The following PLCG2 variants were observed in gnomAD, a reference collection of about 807,000 sequenced individuals.
PLCG2 encodes the protein 1-phosphatidylinositol 4,5-bisphosphate phosphodiesterase gamma-2.
Under a neutral mutation model 175.6 loss-of-function variants are expected in PLCG2, and 69 were observed. The observed-to-expected ratio is 0.39, with a 90% CI of 0.32 to 0.48. PLCG2 has a LOEUF of 0.48. Among genes scored for constraint, PLCG2 ranks in the 20% least tolerant of loss-of-function variants. PLCG2 has a pLI of 0.91. For missense variants in PLCG2, 1,798 were observed against 1,650.9 expected (o/e 1.09, Z -1.54); for synonymous variants, 827 against 624.0 (o/e 1.33, Z -4.85).
At chr16:81,883,450 C>T (rs979512737) in intron 9 of PLCG2, 109 bp downstream of exon 9, 2 of 819,182 alleles carry the variant, frequency 2.4e-6, no homozygotes, top group Admixed American at 2.0e-5. Flanking sequence ...GCTCACCTGG[C>T]CACCTGTGCT....
At chr16:81,842,317 C>T (rs1210016134) in intron 2 of PLCG2, among the ~76,000 whole-genome samples, 3 of 152,296 alleles carry the variant, frequency 2.0e-5, no homozygotes, top group Middle Eastern at 3.4e-3. Flanking sequence ...CTCTGTTGCA[C>T]TCCTGATGTG....
chr16:81,957,987 T>G lies in PLCG2; in HGVS notation c.3787T>G (p.Phe1263Val). Reference protein sequence around the residue: ...LREKRVSNSKFYS With the variant: ...LREKRVSNSKVYS ...AGAGAAGAGAGTCAGCAACAGCAAG[T>G]TTTACTCATAGAAGCTGGGGTATGT... The change falls in exon 33 of 33, where the codon TTT (phenylalanine) becomes GTT (valine). Residue 1263 changes from phenylalanine to valine, a missense_variant. Transcript: ENST00000564138. 2 of 1,612,682 alleles carry G rather than the reference T, an allele frequency of 1.2e-6. No homozygotes were observed. The highest frequency in any genetic ancestry group is 1.7e-6 in the Non-Finnish European group (2 of 1,178,696).
chr16:81,877,975 T>C (rs1907890937), intron 7 of PLCG2, among the ~76,000 whole-genome samples: 1 of 31,402 alleles, frequency 3.2e-5, no homozygotes, highest in African/African-American at 1.6e-4. Flanking sequence ...TTTTTTTAAT[T>C]TTTTTTTTTT....
rs1456612459 is a variant in PLCG2 at position 81,876,034 on chromosome 16, TTTTG to T, written c.649-4872_649-4869del. Reference sequence around the variant, plus strand: ...TTTCTTTCTTTTTTTTTTTTTTTTTTTTTGTTTTTGAGACAGGGTCTCACTTTGT... The same window carrying T: ...TTTCTTTCTTTTTTTTTTTTTTTTTTTTTTTGAGACAGGGTCTCACTTTGT... On this transcript the variant is annotated intron_variant, in intron 7 of 32. Coordinates refer to ENST00000564138, the MANE Select transcript of PLCG2 (RefSeq NM_002661.5). Among the ~76,000 whole-genome samples, 553 of 143,644 alleles carry T rather than the reference TTTTG, an allele frequency of 3.8e-3. 5 individuals carry two copies. The highest frequency in any genetic ancestry group is 0.014 in the African/African-American group (530 of 38,922). 94.2% of individuals were successfully genotyped at this position (143,644 alleles called of 152,430 possible).
At chr16:81,760,657 T>C (rs1365574374) in intron 2 of PLCG2, among the ~76,000 whole-genome samples, 1 of 150,754 alleles carries the variant, frequency 6.6e-6, no homozygotes, top group Non-Finnish European at 1.5e-5. Context: ...ATGCCTATAA[T>C]CCCAACCCTT....
At position 81,918,970 on chromosome 16, in the gene PLCG2, G is replaced by C. The variant is rs530670205; in HGVS notation, c.2055-514G>C. ...AGACAAGATTTAATAATTTTGAGGT[G>C]GGGGGGATTGGCAAACATTTTCTGT... On this transcript the variant is annotated intron_variant, in intron 19 of 32. Coordinates refer to ENST00000564138, the MANE Select transcript of PLCG2 (RefSeq NM_002661.5). Among the ~76,000 whole-genome samples, 6 of 152,120 alleles carry C rather than the reference G, an allele frequency of 3.9e-5. No homozygotes were observed. The South Asian group carries it at 1.2e-3, about 32-fold the overall frequency.
At chr16:81,883,101 C>T (rs568821743) in intron 8 of PLCG2, among the ~76,000 whole-genome samples, 168 bp from the exon 9 acceptor site, 1 of 152,258 alleles carries the variant, frequency 6.6e-6, no homozygotes, top group East Asian at 1.9e-4. Flanking sequence ...AGGTGAGGGA[C>T]ATTGTGTCAC....
intron 30 of PLCG2, among the ~76,000 whole-genome samples, chr16:81,941,906 G>C (rs757177437): frequency 6.6e-6 from 1 of 152,168 alleles, no homozygotes; most frequent in Non-Finnish European, 1.5e-5. Context: ...GATTAAAGGA[G>C]TGAACCACTG....
intron 9 of PLCG2, among the ~76,000 whole-genome samples, chr16:81,887,556 A>G (rs1353997795): frequency 2.6e-5 from 4 of 152,218 alleles, no homozygotes; most frequent in Non-Finnish European, 5.9e-5. Context: ...CATATTTGCA[A>G]GAGTCAACAG....
chr16:81,920,163 G>A (rs1022650586), intron 20 of PLCG2, among the ~76,000 whole-genome samples: 1 of 152,222 alleles, frequency 6.6e-6, no homozygotes, highest in Admixed American at 6.5e-5. Flanking sequence ...GTTCACAGGT[G>A]ACTTATCATG....
intron 7 of PLCG2, among the ~76,000 whole-genome samples, chr16:81,873,372 A>G (rs991923762): frequency 3.3e-5 from 5 of 152,234 alleles, no homozygotes; most frequent in Non-Finnish European, 4.4e-5. Context: ...TAAGGTTAAA[A>G]CCTGTAACTT....
intron 1 of PLCG2, among the ~76,000 whole-genome samples, chr16:81,783,424 TTCTA>T (rs1567461565): frequency 6.6e-6 from 1 of 152,222 alleles, no homozygotes. Flanking sequence ...TTTTGCTACT[TTCTA>T]TCTGTGTGAC....
chr16:81,830,817 A>AG (rs1238467470), intron 2 of PLCG2, among the ~76,000 whole-genome samples: 1 of 151,388 alleles, frequency 6.6e-6, no homozygotes, highest in African/African-American at 2.4e-5. Context: ...GGGAAGGGTG[A>AG]GGGGGGCATC....
intron 13 of PLCG2, chr16:81,898,398 T>A (rs1258702507): frequency 6.6e-6 from 1 of 152,644 alleles, no homozygotes; most frequent in Non-Finnish European, 1.5e-5. Context: ...TAGCCTTTGT[T>A]GTAAAAGCTT....
At chr16:81,907,036 CAA>C (rs56697259) in intron 15 of PLCG2, among the ~76,000 whole-genome samples, 27,810 of 96,634 alleles carry the variant, frequency 0.29, 2,080 homozygotes, top group East Asian at 0.47. Context: ...GACTCTGTCT[CAA>C]AAAAAAAAAA....
chr16:81,789,699 A>G lies in PLCG2; in HGVS notation c.193+3517A>G, dbSNP rs118097094. On this transcript the variant is annotated intron_variant, in intron 2 of 32. Coordinates refer to ENST00000564138, the MANE Select transcript of PLCG2 (RefSeq NM_002661.5). Reference sequence around the variant, plus strand: ...CACTTTGGCTGGGGCGTATTATTATAATAAGTCCCCCGGATGGTCTGGTAA... The same window carrying G: ...CACTTTGGCTGGGGCGTATTATTATGATAAGTCCCCCGGATGGTCTGGTAA... Among the ~76,000 whole-genome samples the G allele has an allele frequency of 4.9e-3, 742 of 152,260 alleles. 6 individuals carry two copies. The highest frequency in any genetic ancestry group is 7.2e-3 in the Non-Finnish European group (492 of 68,014).
chr16:81,757,823 C>G (rs1019897245), intron 2 of PLCG2, among the ~76,000 whole-genome samples: 4 of 152,014 alleles, frequency 2.6e-5, no homozygotes, highest in East Asian at 1.9e-4. Flanking sequence ...CCCTATACCC[C>G]CTTCCCCCAC....
intron 2 of PLCG2, among the ~76,000 whole-genome samples, chr16:81,821,796 CA>C (rs1457067634): frequency 1.3e-5 from 2 of 152,052 alleles, no homozygotes; most frequent in East Asian, 1.9e-4. Flanking sequence ...ACTTCCTACC[CA>C]AAAGAAAAGG....
chr16:81,748,584 A>C (rs1909748432), intron 1 of PLCG2, among the ~76,000 whole-genome samples: 1 of 152,102 alleles, frequency 6.6e-6, no homozygotes, highest in African/African-American at 2.4e-5. Context: ...GACTTCTTGC[A>C]CTTACCCCTT....
Sources: gnomAD v4.1 joint callset for allele counts (sites outside exome capture counted in the v4.1 genomes callset) on GRCh38, gnomAD v4.1.1 for gene constraint, MANE v1.5 for transcripts, NCBI Gene and HGNC (gene_info 2026-07-23, HGNC 2026-07-21) for gene names.